NSUN3: variants seen among roughly 807,000 people sequenced by gnomAD.
The protein encoded by NSUN3 is tRNA (cytosine(34)-C(5))-methyltransferase, mitochondrial.
Under a neutral mutation model 36.8 loss-of-function variants are expected in NSUN3, and 24 were observed. The ratio of observed to expected loss-of-function variants is 0.65; its 90% CI spans 0.47 to 0.92. The LOEUF (loss-of-function observed/expected upper bound fraction) is 0.92, where lower values mean the gene tolerates loss of function less well. NSUN3 is among the 40% of genes least tolerant of loss of function. The probability of loss-of-function intolerance (pLI) is 0.00; values close to 1 mark genes in which losing one functional copy is unlikely to be tolerated. For synonymous variants in NSUN3, 146 were observed against 145.2 expected, an observed-to-expected ratio of 1.01 and a Z score of -0.04; for missense variants, 381 against 392.8, an observed-to-expected ratio of 0.97 and a Z score of 0.25.
intron 2 of NSUN3, among the ~76,000 whole-genome samples, chr3:94,064,817 C>T (rs1177608016): frequency 2.6e-5 from 4 of 152,016 alleles, no homozygotes; most frequent in African/African-American, 9.7e-5. Flanking sequence ...TAGGAATGCC[C>T]ACTAGTTTGA....
chr3:94,094,267 A>G lies in NSUN3; in HGVS notation c.594A>G (p.Gly198=). 3 of 1,612,800 alleles carry G rather than the reference A, an allele frequency of 1.9e-6. No homozygotes were observed. The highest frequency in any genetic ancestry group is 2.5e-6 in the Non-Finnish European group (3 of 1,179,664). ...KVSELDGRKM[G]DAQPEMFDKV... Reference sequence around the variant, plus strand: ...CTGAATTGGATGGCAGAAAAATGGGAGATGCCCAGCCTGAAATGTTTGACA... The same window carrying G: ...CTGAATTGGATGGCAGAAAAATGGGGGATGCCCAGCCTGAAATGTTTGACA... Residue 198 remains glycine, a synonymous_variant, in exon 4 of 6, where the codon GGA becomes GGG. Transcript: ENST00000314622.
rs560451572 is a variant in NSUN3, at chr3:94,131,291, A to G, written c.*4801A>G. Among the ~76,000 whole-genome samples the G allele has an allele frequency of 2.0e-5, 3 of 152,212 alleles. No homozygotes were observed. In the South Asian group the frequency reaches 6.2e-4, roughly 32 times the overall value. ...TCTTTGGCTAATTATAAATCATTTT[A>G]CTTAATATTTCATAGTTAAAGGGTA... On this transcript the variant is annotated 3_prime_UTR_variant, in exon 6 of 6. Transcript: ENST00000314622.
intron 5 of NSUN3, among the ~76,000 whole-genome samples, chr3:94,123,883 C>G (rs2077474186): frequency 6.6e-6 from 1 of 152,020 alleles, no homozygotes. Context: ...CCCTCTCATC[C>G]AAGCACTCCT....
intron 2 of NSUN3, chr3:94,081,690 T>A (rs1211137735): frequency 6.6e-6 from 1 of 152,154 alleles, no homozygotes; most frequent in Non-Finnish European, 1.5e-5. Flanking sequence ...ATAATCCTCT[T>A]AAACAATAAG....
At chr3:94,104,564 C>T (rs1419461741) in intron 5 of NSUN3, among the ~76,000 whole-genome samples, 2 of 152,114 alleles carry the variant, frequency 1.3e-5, no homozygotes, top group African/African-American at 4.8e-5. Flanking sequence ...AGCTATTAGA[C>T]AGAAAATAAA....
At chr3:94,090,976 C>A (rs1294695391) in intron 3 of NSUN3, among the ~76,000 whole-genome samples, 1 of 152,166 alleles carries the variant, frequency 6.6e-6, no homozygotes, top group Non-Finnish European at 1.5e-5. Context: ...CTCCAAATAA[C>A]TGCAAGGAAA....
chr3:94,102,548 C>T (rs2107261482), intron 5 of NSUN3, among the ~76,000 whole-genome samples: 1 of 152,262 alleles, frequency 6.6e-6, no homozygotes, highest in South Asian at 2.1e-4. Context: ...TTATTTTCTT[C>T]CTCTTTCTGT....
intron 5 of NSUN3, among the ~76,000 whole-genome samples, chr3:94,118,315 G>A (rs1256394858): frequency 6.6e-6 from 1 of 152,094 alleles, no homozygotes; most frequent in Non-Finnish European, 1.5e-5. Flanking sequence ...CCAAGATAAT[G>A]TTTACTAGTT....
rs1213402071 is a variant in NSUN3, at chr3:94,095,159, G to A, written c.743+5G>A. 2 of 1,612,626 alleles carry A rather than the reference G, an allele frequency of 1.2e-6. No homozygotes were observed. Among genetic ancestry groups the A allele is most frequent in the East Asian group, 2.2e-5 (1 of 44,842 alleles). ...TCTACAGATAGAGCTGTTAAGGTAA[G>A]GACTGTTAATACAAAAGTGTATTTT... On this transcript the variant is annotated splice_donor_5th_base_variant and intron_variant, in intron 5 of 5. Transcript: ENST00000314622.
At chr3:94,086,301 G>A (rs560634243) in intron 3 of NSUN3, among the ~76,000 whole-genome samples, 1 of 152,128 alleles carries the variant, frequency 6.6e-6, no homozygotes, top group Non-Finnish European at 1.5e-5. Flanking sequence ...TGGAGGTTTC[G>A]ATACCCTGGC....
chr3:94,130,108 C>T lies in NSUN3; in HGVS notation c.*3618C>T, dbSNP rs1220664842. On this transcript the variant is annotated 3_prime_UTR_variant, in exon 6 of 6. Coordinates refer to ENST00000314622, the MANE Select transcript of NSUN3 (RefSeq NM_022072.5). ...AAACTCAGGAATAAGTATTATAACC[C>T]CCTTTTGTGAATGAGAAAACCAAAG... Among the ~76,000 whole-genome samples the T allele has an allele frequency of 2.0e-5, 3 of 152,040 alleles. No homozygotes were observed. Among genetic ancestry groups the T allele is most frequent in the African/African-American group, 7.3e-5 (3 of 41,378 alleles).
chr3:94,122,992 T>C (rs1459237334), intron 5 of NSUN3, among the ~76,000 whole-genome samples: 5 of 152,236 alleles, frequency 3.3e-5, no homozygotes, highest in Non-Finnish European at 7.3e-5. Flanking sequence ...TCCTTGTCTC[T>C]TGGTTCAATC....
At chr3:94,104,997 C>G (rs1398007293) in intron 5 of NSUN3, among the ~76,000 whole-genome samples, 2 of 151,962 alleles carry the variant, frequency 1.3e-5, no homozygotes, top group Non-Finnish European at 1.5e-5. Context: ...GGATATTTTA[C>G]AAAACAAAAC....
At chr3:94,077,642 C>T (rs1419137923) in intron 2 of NSUN3, among the ~76,000 whole-genome samples, 1 of 152,092 alleles carries the variant, frequency 6.6e-6, no homozygotes, top group Non-Finnish European at 1.5e-5. Flanking sequence ...TTCAGGGATT[C>T]GACTTCTTCC....
intron 5 of NSUN3, among the ~76,000 whole-genome samples, chr3:94,110,117 A>G (rs1422326584): frequency 6.6e-6 from 1 of 152,086 alleles, no homozygotes; most frequent in Non-Finnish European, 1.5e-5. Context: ...CTTTTGGCTT[A>G]ACTCCCATTG....
intron 2 of NSUN3, among the ~76,000 whole-genome samples, chr3:94,077,959 A>T (rs2077253600): frequency 6.6e-6 from 1 of 151,820 alleles, no homozygotes; most frequent in South Asian, 2.1e-4. Context: ...CTCTGATCTT[A>T]GTTATTTCTT....
chr3:94,067,977 C>A (rs976521470), intron 2 of NSUN3, among the ~76,000 whole-genome samples: 1 of 152,054 alleles, frequency 6.6e-6, no homozygotes, highest in Non-Finnish European at 1.5e-5. Flanking sequence ...TCTTTCTGGG[C>A]AGGCTCCTTC....
At chr3:94,077,343 A>AT (rs1289210404) in intron 2 of NSUN3, among the ~76,000 whole-genome samples, 12 of 152,274 alleles carry the variant, frequency 7.9e-5, no homozygotes, top group African/African-American at 9.6e-5. Context: ...GTTTGCCAGT[A>AT]TTTTTTTGAG....
intron 5 of NSUN3, among the ~76,000 whole-genome samples, chr3:94,120,632 A>G (rs1309985526): frequency 2.6e-5 from 4 of 152,182 alleles, no homozygotes. Context: ...ATATTTCATC[A>G]TATCTATGTA....
Sources: allele counts gnomAD v4.1 joint callset (sites outside exome capture counted in the v4.1 genomes callset), GRCh38; gene constraint gnomAD v4.1.1; transcripts MANE v1.5; gene names NCBI Gene and HGNC (gene_info 2026-07-23, HGNC 2026-07-21).